Variants in MYO5B observed in about 807,000 individuals in gnomAD.
MYO5B encodes unconventional myosin-Vb.
Under a neutral mutation model 229.3 loss-of-function variants are expected in MYO5B, and 143 were observed. The ratio of observed to expected loss-of-function variants is 0.62; its 90% CI spans 0.54 to 0.72. The LOEUF is 0.72. MYO5B is among the 30% of genes least tolerant of loss of function. The pLI, the probability that MYO5B is intolerant of heterozygous loss-of-function variation, is 0.00. For missense variants in MYO5B, 2,321 were observed against 2,331.0 expected (o/e 1.00, Z 0.09); for synonymous variants, 918 against 885.2 (o/e 1.04, Z -0.66).
intron 1 of MYO5B, among the ~76,000 whole-genome samples, chr18:50,064,675 A>G (rs1210032835): frequency 1.3e-5 from 2 of 152,238 alleles, no homozygotes; most frequent in Non-Finnish European, 2.9e-5. Flanking sequence ...TCTCATCTCT[A>G]TAAAAGACCA....
intron 2 of MYO5B, among the ~76,000 whole-genome samples, chr18:50,047,863 C>T (rs2030277158): frequency 6.9e-6 from 1 of 145,814 alleles, no homozygotes; most frequent in Admixed American, 7.3e-5. Context: ...ACCACATGTT[C>T]TCACTGATAG....
At chr18:50,129,905 GCTT>G (rs2032226972) in intron 1 of MYO5B, among the ~76,000 whole-genome samples, 1 of 152,194 alleles carries the variant, frequency 6.6e-6, no homozygotes, top group Non-Finnish European at 1.5e-5. Flanking sequence ...AACATGAAGT[GCTT>G]CTTTAGACAG....
chr18:49,970,290 G>T (rs1237070074), intron 10 of MYO5B, among the ~76,000 whole-genome samples: 2 of 152,200 alleles, frequency 1.3e-5, no homozygotes, highest in East Asian at 3.9e-4. Flanking sequence ...TGACTAAATT[G>T]TTCTGAGTAC....
intron 27 of MYO5B, among the ~76,000 whole-genome samples, chr18:49,869,755 C>A (rs982302118): frequency 3.3e-5 from 5 of 151,760 alleles, no homozygotes; most frequent in Admixed American, 6.6e-5. Flanking sequence ...GAATCCCTTG[C>A]AGGGCTTGTT....
At chr18:49,984,290 T>C (rs2025847208) in intron 8 of MYO5B, among the ~76,000 whole-genome samples, 1 of 152,226 alleles carries the variant, frequency 6.6e-6, no homozygotes, top group Non-Finnish European at 1.5e-5. Context: ...CTGCCAGACC[T>C]TCACAGCCTG....
Position 49,902,778 on chromosome 18 carries a change from G to T in MYO5B, c.2627C>A (p.Ala876Glu). 6.2e-7 allele frequency: 1 copy of T among 1,604,308 alleles called. No individual in the cohort carries two copies. The highest frequency in any genetic ancestry group is 8.5e-7 in the Non-Finnish European group (1 of 1,179,970). The change falls in exon 21 of 40, where the codon GCA becomes GAA. Residue 876 changes from alanine to glutamate, a missense_variant. This residue lies in a region of MYO5B where 2,113 missense variants were observed against 2,044.7 expected (regional missense o/e 1.03). Coordinates refer to ENST00000285039, the MANE Select transcript of MYO5B (RefSeq NM_001080467.3). ...TIQKHVRGWMARRHFQRLRDA... is the reference protein window; with the variant it reads ...TIQKHVRGWMERRHFQRLRDA... ...CCGCAGCCGCTGGAAGTGCCTGCGT[G>T]CCATCCAGCCCCGCACGTGCTTCTG... is the stretch of plus-strand genomic sequence containing the variant.
At chr18:49,921,836 G>A (rs4939920) in intron 17 of MYO5B, among the ~76,000 whole-genome samples, 18,769 of 152,238 alleles carry the variant, frequency 0.12, 1,445 homozygotes, top group East Asian at 0.3. Flanking sequence ...GCAGTCCTGG[G>A]ATGACGCATT....
chr18:49,959,386 C>T (rs943270960), intron 12 of MYO5B, among the ~76,000 whole-genome samples: 23 of 152,158 alleles, frequency 1.5e-4, no homozygotes, highest in African/African-American at 5.3e-4. Context: ...GGAGTCACAC[C>T]TCTACACGAA....
Position 50,179,833 on chromosome 18 carries a change from G to T in MYO5B, c.27+14934C>A, listed in dbSNP as rs182600926. Among the ~76,000 whole-genome samples the T allele has an allele frequency of 3.3e-5, 5 of 152,308 alleles. No homozygotes were observed. The East Asian group carries it at 9.6e-4, about 29-fold the overall frequency. On this transcript the variant is annotated intron_variant, in intron 1 of 39. Coordinates refer to ENST00000285039, the MANE Select transcript of MYO5B (RefSeq NM_001080467.3). ...TCCCTTAATGCCTAAAGCATCCTTA[G>T]AATGAAGCCTATGCCTTGCAGTGCC...
intron 1 of MYO5B, among the ~76,000 whole-genome samples, chr18:50,134,316 G>A (rs1484095529): frequency 3.3e-5 from 5 of 152,094 alleles, no homozygotes; most frequent in Non-Finnish European, 4.4e-5. Context: ...AGCACTATGG[G>A]AGACCAAGGT....
intron 3 of MYO5B, among the ~76,000 whole-genome samples, chr18:50,037,204 T>TACACACACACAA (rs1555652928): frequency 6.7e-6 from 1 of 149,322 alleles, no homozygotes; most frequent in Non-Finnish European, 1.5e-5. Flanking sequence ...CATACACACA[T>TACACACACACAA]ACACACACAC....
intron 4 of MYO5B, among the ~76,000 whole-genome samples, chr18:50,006,590 TG>T (rs918193785): frequency 3.3e-5 from 5 of 152,200 alleles, no homozygotes; most frequent in Admixed American, 3.3e-4. Flanking sequence ...CAGTTCACAC[TG>T]GCCCCCCCTT....
intron 4 of MYO5B, among the ~76,000 whole-genome samples, chr18:50,017,239 T>A (rs922280871): frequency 2.6e-5 from 4 of 152,164 alleles, no homozygotes; most frequent in Non-Finnish European, 4.4e-5. Flanking sequence ...CGCCTCAGCC[T>A]CCCGAGTGGC....
Position 49,983,759 on chromosome 18 carries a change from T to C in MYO5B, c.946+959A>G, listed in dbSNP as rs557799612. ...ACTGATAGATAGGGTTTGTCTTTTG[T>C]ACCCATGAACTATGTACCAGTTTCC... is the stretch of plus-strand genomic sequence containing the variant. On this transcript the variant is annotated intron_variant, in intron 8 of 39. Transcript: ENST00000285039. Among the ~76,000 whole-genome samples the C allele has an allele frequency of 2.0e-5, 3 of 152,346 alleles. No individual in the cohort carries two copies. In the South Asian group the frequency reaches 6.2e-4, roughly 32 times the overall value.
chr18:49,996,218 T>C (rs1224736757), intron 5 of MYO5B, among the ~76,000 whole-genome samples: 1 of 152,214 alleles, frequency 6.6e-6, no homozygotes, highest in Non-Finnish European at 1.5e-5. Flanking sequence ...TGCAAAGTGA[T>C]TGATAGATCT....
At chr18:50,194,708 T>A in intron 1 of MYO5B, 59 bp downstream of exon 1, 1 of 1,240,634 alleles carries the variant, frequency 8.1e-7, no homozygotes, top group Non-Finnish European at 1.1e-6. Flanking sequence ...CCCTGAGTAC[T>A]AGGTGGCCCC....
At chr18:50,147,928 G>C (rs573323875) in intron 1 of MYO5B, among the ~76,000 whole-genome samples, 3 of 151,764 alleles carry the variant, frequency 2.0e-5, no homozygotes, top group Non-Finnish European at 4.4e-5. Context: ...GAAATTGATA[G>C]ACCACTAGCA....
Position 49,839,169 on chromosome 18 carries a change from G to A in MYO5B, c.4827C>T (p.Ala1609=), listed in dbSNP as rs369167986. ...IQIYQQLIKI[A]EGVLQPMIVS... is the part of the protein sequence containing the mutation. ...CTATCATCGGCTGTAACACGCCCTC[G>A]GCAATTTTAATGAGCTGCTGGTAGA... The change falls in exon 36 of 40, where the codon GCC becomes GCT. Residue 1609 remains alanine, a synonymous_variant. Transcript: ENST00000285039. The A allele has an allele frequency of 1.2e-5, 19 of 1,613,772 alleles. No homozygotes were observed. The African/African-American group carries it at 1.3e-4, about 11-fold the overall frequency.
At position 49,839,163 on chromosome 18, in the gene MYO5B, G is replaced by A. The variant is rs376462138; in HGVS notation, c.4833C>T (p.Gly1611=). 75 of 1,613,734 alleles carry A rather than the reference G, an allele frequency of 4.6e-5. No homozygotes were observed. In the African/African-American group the frequency reaches 8.3e-4, roughly 18 times the overall value. Residue 1611 remains glycine (G), a synonymous_variant, in exon 36 of 40, where the codon GGC becomes GGT. Coordinates refer to ENST00000285039, the MANE Select transcript of MYO5B (RefSeq NM_001080467.3). ...IYQQLIKIAE[G]VLQPMIVSAM... Reference sequence around the variant, plus strand: ...GCTTACCTATCATCGGCTGTAACACGCCCTCGGCAATTTTAATGAGCTGCT... The same window carrying A: ...GCTTACCTATCATCGGCTGTAACACACCCTCGGCAATTTTAATGAGCTGCT...
Sources: gnomAD v4.1 joint callset for allele counts (sites outside exome capture counted in the v4.1 genomes callset) on GRCh38, gnomAD v4.1.1 for gene constraint, gnomAD v4.1.1 regional missense constraint, MANE v1.5 for transcripts, NCBI Gene and HGNC (gene_info 2026-07-23, HGNC 2026-07-21) for gene names.